Variants in TENT4B observed in about 807,000 individuals in gnomAD.
The protein encoded by TENT4B is PAP associated domain containing 5.
TENT4B carries 10 observed loss-of-function variants against 75.0 expected under a neutral mutation model. The ratio of observed to expected loss-of-function variants is 0.13; its 90% CI spans 0.08 to 0.23. The LOEUF is 0.23. TENT4B is among the 10% of genes least tolerant of loss of function. The pLI is 1.00. For synonymous variants in TENT4B, 350 were observed against 357.7 expected (o/e 0.98, Z 0.24); for missense variants, 579 against 893.8 (o/e 0.65, Z 4.49).
chr16:50,226,707 C>T (rs1195698117), intron 10 of TENT4B, among the ~76,000 whole-genome samples: 2 of 152,136 alleles, frequency 1.3e-5, no homozygotes, highest in African/African-American at 2.4e-5. Flanking sequence ...TGAGCCACCA[C>T]GCCTGGCCAA....
chr16:50,170,111 G>T (rs1318010930), intron 1 of TENT4B, among the ~76,000 whole-genome samples: 1 of 151,808 alleles, frequency 6.6e-6, no homozygotes, highest in Admixed American at 6.6e-5. Flanking sequence ...GAGTGCAGTG[G>T]TGCAATCTCC....
intron 1 of TENT4B, among the ~76,000 whole-genome samples, chr16:50,174,492 C>T (rs1025678412): frequency 6.6e-6 from 1 of 152,118 alleles, no homozygotes; most frequent in African/African-American, 2.4e-5. Flanking sequence ...TTATGGGATG[C>T]ATGTGATATT....
chr16:50,212,664 A>T (rs1289647309), intron 2 of TENT4B, among the ~76,000 whole-genome samples: 2 of 152,104 alleles, frequency 1.3e-5, no homozygotes, highest in Non-Finnish European at 2.9e-5. Context: ...CATACATCGC[A>T]TTCTTTCTCC....
chr16:50,207,488 T>C (rs1370511512), intron 1 of TENT4B, among the ~76,000 whole-genome samples: 4 of 152,310 alleles, frequency 2.6e-5, no homozygotes, highest in African/African-American at 9.6e-5. Context: ...CGAGCCACTT[T>C]TCCTTTTAAC....
At chr16:50,182,913 T>C (rs1048830761) in intron 1 of TENT4B, among the ~76,000 whole-genome samples, 1 of 137,784 alleles carries the variant, frequency 7.3e-6, no homozygotes, top group South Asian at 2.4e-4. Flanking sequence ...TTTTTTTTTT[T>C]TTTTTTTTTG....
In TENT4B at chr16:50,225,283, G is replaced by A. The variant is rs753673335; in HGVS notation, c.1798G>A (p.Val600Ile). Reference protein sequence around the residue: ...SSATQSSSSDVDSDATPCKTP... With the variant: ...SSATQSSSSDIDSDATPCKTP... ...TGCCACACAGTCCAGCTCTAGTGAT[G>A]TAGTAAGTATGAAAGCCTCGGCTCT... is the stretch of plus-strand genomic sequence containing the variant. Residue 600 changes from valine (V) to isoleucine (I), a missense_variant and splice_region_variant, in exon 10 of 12, where the codon GTA becomes ATA. Coordinates refer to ENST00000561678, the MANE Select transcript of TENT4B (RefSeq NM_001365324.3). 32 of 1,607,460 alleles carry A rather than the reference G, an allele frequency of 2.0e-5. No individual in the cohort carries two copies. Among genetic ancestry groups the A allele is most frequent in the Admixed American group, 6.8e-5 (4 of 59,008 alleles).
At chr16:50,165,130 C>T (rs2038074724) in intron 1 of TENT4B, among the ~76,000 whole-genome samples, 3 of 151,490 alleles carry the variant, frequency 2.0e-5, no homozygotes, top group South Asian at 2.1e-4. Context: ...TTTTTAATAT[C>T]TCATTGCCTT....
At chr16:50,158,267 A>G (rs559735672) in intron 1 of TENT4B, among the ~76,000 whole-genome samples, 2 of 152,034 alleles carry the variant, frequency 1.3e-5, no homozygotes, top group South Asian at 4.2e-4. Context: ...TTGTATTTTT[A>G]GTAGAGATGG....
intron 1 of TENT4B, among the ~76,000 whole-genome samples, chr16:50,165,059 T>A (rs201051030): frequency 0.043 from 886 of 20,618 alleles, 8 homozygotes; most frequent in African/African-American, 0.059. Context: ...GTCTGAAAAA[T>A]TTTTTTTTTT....
intron 1 of TENT4B, among the ~76,000 whole-genome samples, chr16:50,204,578 C>A (rs1313693573): frequency 6.6e-6 from 1 of 152,060 alleles, no homozygotes; most frequent in Non-Finnish European, 1.5e-5. Flanking sequence ...GGTAAAGATC[C>A]ATCTGCAGTC....
Position 50,230,616 on chromosome 16 carries a change from T to C in TENT4B, c.*1288T>C, listed in dbSNP as rs1229077236. Reference sequence around the variant, plus strand: ...TTGCCTTATTAAGACCAAATACTTCTTGTCATCCCATTCTTTATCCTCTTC... The same window carrying C: ...TTGCCTTATTAAGACCAAATACTTCCTGTCATCCCATTCTTTATCCTCTTC... On this transcript the variant is annotated 3_prime_UTR_variant, in exon 12 of 12. Coordinates refer to ENST00000561678, the MANE Select transcript of TENT4B (RefSeq NM_001365324.3). 2 of 984,266 alleles carry C rather than the reference T, an allele frequency of 2.0e-6. No homozygotes were observed. Among genetic ancestry groups the C allele is most frequent in the East Asian group, 1.1e-4 (1 of 8,812 alleles). The allele number at this position is 984,266 out of a possible 1,614,324, so 61.0% of individuals were successfully genotyped here. A position where few individuals can be genotyped will look rare whatever the true frequency, so the allele number is the denominator to read the frequency against.
intron 1 of TENT4B, among the ~76,000 whole-genome samples, chr16:50,156,065 T>C (rs567120690): frequency 1.3e-5 from 2 of 152,144 alleles, no homozygotes; most frequent in Non-Finnish European, 2.9e-5. Flanking sequence ...CTGATTCAAA[T>C]ATATTGCCCT....
At chr16:50,211,942 C>T (rs760401190) in intron 2 of TENT4B, among the ~76,000 whole-genome samples, 7 of 152,180 alleles carry the variant, frequency 4.6e-5, no homozygotes, top group Admixed American at 2.0e-4. Context: ...CTGAAATTGC[C>T]ATTTTTCATC....
intron 1 of TENT4B, among the ~76,000 whole-genome samples, chr16:50,172,429 C>T (rs1259835935): frequency 6.6e-6 from 1 of 151,432 alleles, no homozygotes; most frequent in East Asian, 1.9e-4. Flanking sequence ...ATGCATAGTT[C>T]TTGGTAAACA....
At chr16:50,216,044 C>T (rs372788686) in intron 3 of TENT4B, 31 bp from the exon 4 acceptor site, 12 of 1,611,012 alleles carry the variant, frequency 7.4e-6, no homozygotes, top group Admixed American at 3.4e-5. Flanking sequence ...CAACTTCTTC[C>T]GACCCTCTTG....
At position 50,231,451 on chromosome 16, in the gene TENT4B, GT is replaced by G; in HGVS notation, c.*2131del. ...TCTATGTTACATTTACCACACTGAA[GT>G]TTTTTTTGTTGTTTTTTGTTTGTTT... is the stretch of plus-strand genomic sequence containing the variant. On this transcript the variant is annotated 3_prime_UTR_variant, in exon 12 of 12. Transcript: ENST00000561678. 1.0e-6 allele frequency: 1 copy of G among 985,308 alleles called. No individual in the cohort carries two copies. The highest frequency in any genetic ancestry group is 1.2e-6 in the Non-Finnish European group (1 of 829,632). The allele number at this position is 985,308 out of a possible 1,614,324, so 61.0% of individuals were successfully genotyped here.
intron 1 of TENT4B, among the ~76,000 whole-genome samples, chr16:50,160,099 G>A (rs1175267797): frequency 1.3e-4 from 20 of 151,980 alleles, no homozygotes; most frequent in African/African-American, 4.3e-4. Flanking sequence ...GGGTTTCGCC[G>A]TGTTGGCCAG....
intron 1 of TENT4B, among the ~76,000 whole-genome samples, chr16:50,177,416 A>G (rs2038331578): frequency 6.6e-6 from 1 of 152,150 alleles, no homozygotes; most frequent in African/African-American, 2.4e-5. Context: ...TTAATAGATA[A>G]AGGTGCATTG....
chr16:50,231,606 A>T lies in TENT4B; in HGVS notation c.*2278A>T, dbSNP rs1053691144. On this transcript the variant is annotated 3_prime_UTR_variant, in exon 12 of 12. Transcript: ENST00000561678. ...TAATTCTGATTCCATTGGGAATCTT[A>T]GGTTTTCGTAAATTTATTGGGAAAA... 2 of 985,738 alleles carry T rather than the reference A, an allele frequency of 2.0e-6. No homozygotes were observed. The highest frequency in any genetic ancestry group is 3.5e-5 in the African/African-American group (2 of 57,242). The allele number at this position is 985,738 out of a possible 1,614,324, so 61.1% of individuals were successfully genotyped here.
Sources: allele counts gnomAD v4.1 joint callset (sites outside exome capture counted in the v4.1 genomes callset), GRCh38; gene constraint gnomAD v4.1.1; transcripts MANE v1.5; gene names NCBI Gene and HGNC (gene_info 2026-07-23, HGNC 2026-07-21).